The following DNAH11 variants were observed in gnomAD, a reference collection of about 807,000 sequenced individuals.
DNAH11 encodes the protein dynein axonemal heavy chain 11.
DNAH11 carries 442 observed loss-of-function variants against 526.0 expected under a neutral mutation model. The ratio of observed to expected loss-of-function variants is 0.84; its 90% CI spans 0.78 to 0.91. The LOEUF (loss-of-function observed/expected upper bound fraction) is 0.91. Among genes scored for constraint, DNAH11 ranks in the 40% least tolerant of loss-of-function variants. The probability of loss-of-function intolerance (pLI) is 0.00; values close to 1 mark genes in which losing one functional copy is unlikely to be tolerated. For missense variants in DNAH11, 6,989 were observed against 5,448.7 expected, an observed-to-expected ratio of 1.28 and a Z score of -8.90; for synonymous variants, 2,461 against 1,935.9, an observed-to-expected ratio of 1.27 and a Z score of -7.12.
intron 62 of DNAH11, among the ~76,000 whole-genome samples, chr7:21,804,029 G>A (rs1331242519): frequency 6.6e-6 from 1 of 152,208 alleles, no homozygotes. Flanking sequence ...AAGAAACGAG[G>A]GGGTACGTGT....
chr7:21,874,410 A>G (rs1783623957), intron 74 of DNAH11, among the ~76,000 whole-genome samples: 1 of 151,728 alleles, frequency 6.6e-6, no homozygotes, highest in Non-Finnish European at 1.5e-5. Flanking sequence ...ATCTTGGCTC[A>G]CTGCAACCTC....
chr7:21,844,139 A>T (rs1782325141), intron 66 of DNAH11, among the ~76,000 whole-genome samples: 1 of 152,190 alleles, frequency 6.6e-6, no homozygotes, highest in South Asian at 2.1e-4. Context: ...GCCATGGCCA[A>T]ACACAGTGGC....
At position 21,588,209 on chromosome 7, in the gene DNAH11, G is replaced by A. The variant is rs767195215; in HGVS notation, c.1848+8G>A. The A allele has an allele frequency of 6.2e-7, 1 of 1,608,224 alleles. No homozygotes were observed. Among genetic ancestry groups the A allele is most frequent in the East Asian group, 2.2e-5 (1 of 44,742 alleles). ...AATGAACACATGAAACAGGTAAGTG[G>A]TGGATAAGGTTGGACACATTTACAA... is the stretch of plus-strand genomic sequence containing the variant. On this transcript the variant is annotated splice_region_variant and intron_variant, in intron 10 of 81. Transcript: ENST00000409508.
intron 68 of DNAH11, among the ~76,000 whole-genome samples, chr7:21,858,287 TA>T (rs572753349): frequency 7.7e-4 from 118 of 152,322 alleles, no homozygotes; most frequent in African/African-American, 2.7e-3. Flanking sequence ...AGGAATGCAA[TA>T]AACCATTTTG....
At chr7:21,575,341 G>A (rs1039176428) in intron 8 of DNAH11, among the ~76,000 whole-genome samples, 3 of 152,110 alleles carry the variant, frequency 2.0e-5, no homozygotes, top group Non-Finnish European at 4.4e-5. Context: ...ATTTTCAGTG[G>A]GAAGCTTTAT....
chr7:21,614,600 A>G (rs948760315), intron 20 of DNAH11, among the ~76,000 whole-genome samples: 1 of 152,224 alleles, frequency 6.6e-6, no homozygotes, highest in Non-Finnish European at 1.5e-5. Context: ...AGACAGTCAT[A>G]TGGTGATGTT....
chr7:21,562,224 G>T (rs1783488410), intron 5 of DNAH11, among the ~76,000 whole-genome samples: 2 of 152,148 alleles, frequency 1.3e-5, no homozygotes, highest in South Asian at 2.1e-4. Flanking sequence ...TTTTTGTTGT[G>T]GGGGGCCATC....
At chr7:21,692,562 C>T (rs923438278) in intron 35 of DNAH11, among the ~76,000 whole-genome samples, 1 of 152,182 alleles carries the variant, frequency 6.6e-6, no homozygotes, top group South Asian at 2.1e-4. Flanking sequence ...ATTTGTTGAT[C>T]CATTCACTAG....
In DNAH11 at chr7:21,901,135, T is replaced by C; in HGVS notation, c.13432T>C (p.Cys4478Arg). The C allele has an allele frequency of 1.2e-6, 2 of 1,613,178 alleles. No individual in the cohort carries two copies. The highest frequency in any genetic ancestry group is 1.7e-6 in the Non-Finnish European group (2 of 1,179,370). The change falls in exon 82 of 82, where the codon TGC becomes CGC. Residue 4478 changes from cysteine to arginine, a missense_variant. Physicochemically the swap from Cys to Arg is radical, Grantham distance 180 (BLOSUM62 -3). Coordinates refer to ENST00000409508, the MANE Select transcript of DNAH11 (RefSeq NM_001277115.2). ...DRQETKQTYE[C>R]PVYRTKLRGP... Reference sequence around the variant, plus strand: ...ACAAGAAACCAAACAGACCTACGAGTGCCCTGTGTATAGAACCAAACTGAG... The same window carrying C: ...ACAAGAAACCAAACAGACCTACGAGCGCCCTGTGTATAGAACCAAACTGAG...
intron 2 of DNAH11, among the ~76,000 whole-genome samples, chr7:21,545,731 TG>T (rs1455733656): frequency 6.6e-6 from 1 of 152,226 alleles, no homozygotes; most frequent in Non-Finnish European, 1.5e-5. Context: ...AAGAACTGCC[TG>T]GGGATTTTGT....
intron 28 of DNAH11, among the ~76,000 whole-genome samples, chr7:21,640,186 A>G (rs183397396): frequency 2.6e-5 from 4 of 152,328 alleles, no homozygotes; most frequent in East Asian, 1.9e-4. Context: ...TTTGCAAATA[A>G]AATCTGTGAT....
At chr7:21,577,526 G>C (rs984810119) in intron 8 of DNAH11, among the ~76,000 whole-genome samples, 3 of 152,132 alleles carry the variant, frequency 2.0e-5, no homozygotes, top group Non-Finnish European at 2.9e-5. Context: ...CTGATGGAGA[G>C]TCCAGACTAT....
At chr7:21,567,737 TTG>T (rs751393091) in intron 6 of DNAH11, among the ~76,000 whole-genome samples, 2 of 152,218 alleles carry the variant, frequency 1.3e-5, no homozygotes, top group African/African-American at 2.4e-5. Context: ...CGGAAACTCT[TTG>T]TTACTTTAAA....
intron 9 of DNAH11, among the ~76,000 whole-genome samples, chr7:21,583,532 TCA>T (rs1784384346): frequency 6.6e-6 from 1 of 151,944 alleles, no homozygotes; most frequent in South Asian, 2.1e-4. Flanking sequence ...GGCAAAGACT[TCA>T]TGACTAAAAC....
At position 21,620,001 on chromosome 7, in the gene DNAH11, T is replaced by C; in HGVS notation, c.4423T>C (p.Tyr1475His). 6.2e-7 allele frequency: 1 copy of C among 1,609,210 alleles called. No homozygotes were observed. The highest frequency in any genetic ancestry group is 8.5e-7 in the Non-Finnish European group (1 of 1,178,470). The change falls in exon 25 of 82, where the codon TAC (tyrosine) becomes CAC (histidine). Residue 1475 changes from tyrosine (Y) to histidine (H), a missense_variant. By Grantham distance (83) the Tyr-to-His change is moderately conservative (BLOSUM62 2). Transcript: ENST00000409508. ...GACCTGGGCAACCATGAAGTTTTCTTACGAAGTTCACTATCGAACAGGCAT... is the reference window on the plus strand; with the variant it reads ...GACCTGGGCAACCATGAAGTTTTCTCACGAAGTTCACTATCGAACAGGCAT... ...SQTWATMKFS[Y>H]EVHYRTGIPL...
rs1786055218 is a variant in DNAH11, at chr7:21,744,476, A to C, written c.8193A>C (p.Pro2731=). 2 of 1,613,906 alleles carry C rather than the reference A, an allele frequency of 1.2e-6. No individual in the cohort carries two copies. The highest frequency in any genetic ancestry group is 1.7e-6 in the Non-Finnish European group (2 of 1,179,820). ...LFASPECLKG[P]LDLIHLWLHE... Reference sequence around the variant, plus strand: ...CTTCTCCTGAGTGTTTAAAAGGTCCACTTGATTTAATACATCTGTGGCTTC... The same window carrying C: ...CTTCTCCTGAGTGTTTAAAAGGTCCCCTTGATTTAATACATCTGTGGCTTC... The change falls in exon 50 of 82, where the codon CCA becomes CCC. Residue 2731 remains proline, a synonymous_variant. Transcript: ENST00000409508.
At chr7:21,567,958 A>C (rs1783740345) in intron 6 of DNAH11, among the ~76,000 whole-genome samples, 1 of 152,148 alleles carries the variant, frequency 6.6e-6, no homozygotes, top group African/African-American at 2.4e-5. Flanking sequence ...TACGTTGTCT[A>C]TTCCATGGCT....
chr7:21,813,204 G>T (rs1054408015), intron 63 of DNAH11, among the ~76,000 whole-genome samples: 5 of 123,880 alleles, frequency 4.0e-5, no homozygotes, highest in African/African-American at 1.6e-4. Context: ...GTTGTTTGCT[G>T]GGCAGATGGA....
At chr7:21,826,453 A>G (rs1314156853) in intron 65 of DNAH11, among the ~76,000 whole-genome samples, 2 of 152,220 alleles carry the variant, frequency 1.3e-5, no homozygotes, top group Admixed American at 6.5e-5. Flanking sequence ...GTTGCTATGT[A>G]TTCATTTAAT....
Sources: gnomAD v4.1 joint callset for allele counts (sites outside exome capture counted in the v4.1 genomes callset) on GRCh38, gnomAD v4.1.1 for gene constraint, MANE v1.5 for transcripts, NCBI Gene and HGNC (gene_info 2026-07-23, HGNC 2026-07-21) for gene names.